STK31: variants seen among roughly 807,000 people sequenced by gnomAD.
STK31 encodes serine/threonine-protein kinase 31.
In STK31, 89 loss-of-function variants were observed where a neutral mutation model predicts 129.7. The observed-to-expected ratio is 0.69, with a 90% confidence interval of 0.58 to 0.82. The LOEUF is 0.82. Among genes scored for constraint, STK31 ranks in the 40% least tolerant of loss-of-function variants. STK31 has a pLI of 0.00. For synonymous variants in STK31, 448 were observed against 395.3 expected, an observed-to-expected ratio of 1.13 and a Z score of -1.58; for missense variants, 1,187 against 1,176.4, an observed-to-expected ratio of 1.01 and a Z score of -0.13.
chr7:23,787,272 A>G (rs1791342557), intron 20 of STK31, among the ~76,000 whole-genome samples: 1 of 152,166 alleles, frequency 6.6e-6, no homozygotes, highest in South Asian at 2.1e-4. Flanking sequence ...GGCAGCTTTA[A>G]TTTTTGTCAT....
chr7:23,772,301 C>T (rs1279838715), intron 15 of STK31, 23 bp downstream of exon 15: 14 of 1,594,470 alleles, frequency 8.8e-6, no homozygotes, highest in Non-Finnish European at 1.1e-5. Flanking sequence ...TTGTTTCTTA[C>T]TGATCTTTAT....
At chr7:23,759,595 T>A (rs943878262) in intron 10 of STK31, among the ~76,000 whole-genome samples, 1 of 152,232 alleles carries the variant, frequency 6.6e-6, no homozygotes, top group Admixed American at 6.5e-5. Flanking sequence ...AAAGGTGTAA[T>A]AGACAACTGG....
In STK31 at chr7:23,735,768, C is replaced by G; in HGVS notation, c.714C>G (p.Ser238Arg). The G allele has an allele frequency of 6.2e-7, 1 of 1,614,144 alleles. No individual in the cohort carries two copies. The highest frequency in any genetic ancestry group is 2.2e-5 in the East Asian group (1 of 44,872). The change falls in exon 7 of 24, where the codon AGC (serine) becomes AGG (arginine). Residue 238 changes from serine to arginine, a missense_variant. Coordinates refer to ENST00000355870, the MANE Select transcript of STK31 (RefSeq NM_031414.5). Reference protein sequence around the residue: ...PGQLVLRNLKSPIPLWGHRSN... With the variant: ...PGQLVLRNLKRPIPLWGHRSN... ...AACTTGTTCTCAGGAACCTCAAAAG[C>G]CCCATTCCTTTGTGGGGGCATAGAT...
chr7:23,714,005 T>A (rs1786144096), intron 3 of STK31, among the ~76,000 whole-genome samples: 1 of 152,166 alleles, frequency 6.6e-6, no homozygotes, highest in African/African-American at 2.4e-5. Context: ...CACAAATATG[T>A]GAGTAATGCA....
At chr7:23,758,843 T>G (rs1789274070) in intron 10 of STK31, among the ~76,000 whole-genome samples, 1 of 152,164 alleles carries the variant, frequency 6.6e-6, no homozygotes, top group African/African-American at 2.4e-5. Context: ...AGACACAGAC[T>G]GGCAAATTAG....
intron 8 of STK31, among the ~76,000 whole-genome samples, chr7:23,750,146 G>A (rs1348756256): frequency 1.4e-5 from 2 of 145,202 alleles, no homozygotes; most frequent in Non-Finnish European, 3.0e-5. Context: ...GTGAGAACCT[G>A]ATCTAGCTCC....
Position 23,757,291 on chromosome 7 carries a change from A to G in STK31, c.1293+2817A>G, listed in dbSNP as rs565929825. Among the ~76,000 whole-genome samples, 30 of 145,888 alleles carry G rather than the reference A, an allele frequency of 2.1e-4. 1 individual carries two copies. In the East Asian group the frequency reaches 5.9e-3, roughly 29 times the overall value. On this transcript the variant is annotated intron_variant, in intron 10 of 23. Transcript: ENST00000355870. ...CTTGAGAAAAGAAAGAGACACAGAG[A>G]CAAAGTATAGAGAAAGAAAAGTGGG...
intron 10 of STK31, among the ~76,000 whole-genome samples, chr7:23,758,057 G>T (rs1015285888): frequency 6.6e-6 from 1 of 152,190 alleles, no homozygotes; most frequent in Non-Finnish European, 1.5e-5. Context: ...GGGTAGGGTT[G>T]CAGATTAACA....
chr7:23,815,691 G>A (rs1218113666), intron 23 of STK31, among the ~76,000 whole-genome samples: 1 of 152,100 alleles, frequency 6.6e-6, no homozygotes, highest in African/African-American at 2.4e-5. Flanking sequence ...TCTATAAGTT[G>A]AGTAATTAGC....
At chr7:23,739,636 G>C (rs1787937223) in intron 8 of STK31, among the ~76,000 whole-genome samples, 1 of 152,150 alleles carries the variant, frequency 6.6e-6, no homozygotes, top group Admixed American at 6.5e-5. Context: ...AATCCATCTT[G>C]AGTTAATTTT....
intron 16 of STK31, among the ~76,000 whole-genome samples, chr7:23,782,471 C>CAAAAA (rs66962254): frequency 3.5e-3 from 294 of 83,554 alleles, no homozygotes; most frequent in Middle Eastern, 7.4e-3. Flanking sequence ...GACCCTGTCT[C>CAAAAA]AAAAAAAAAA....
chr7:23,831,912 C>G (rs1794573493), intron 23 of STK31, among the ~76,000 whole-genome samples: 1 of 152,168 alleles, frequency 6.6e-6, no homozygotes, highest in South Asian at 2.1e-4. Context: ...GCTGGGATTA[C>G]AGGCATAAGC....
intron 5 of STK31, chr7:23,727,552 AG>A: frequency 2.0e-5 from 5 of 250,746 alleles, no homozygotes; most frequent in East Asian, 1.0e-4. Context: ...TTTTTACCTC[AG>A]TTCTTTTTTT....
At chr7:23,727,569 T>C in intron 5 of STK31, 8 of 349,006 alleles carry the variant, frequency 2.3e-5, no homozygotes, top group African/African-American at 1.4e-4. Context: ...TTTTTTTTTT[T>C]TTTTTTTTTT....
chr7:23,787,419 G>A lies in STK31; in HGVS notation c.2487+495G>A, dbSNP rs370285613. Among the ~76,000 whole-genome samples, 4 of 152,208 alleles carry A rather than the reference G, an allele frequency of 2.6e-5. No individual in the cohort carries two copies. The East Asian group carries it at 5.8e-4, about 22-fold the overall frequency. On this transcript the variant is annotated intron_variant, in intron 20 of 23. Transcript: ENST00000355870. Reference sequence around the variant, plus strand: ...TCTTCTTTGAGATGATAGAACAGGTGTCCTCAGACCCCAGGTCGCAGACTG... The same window carrying A: ...TCTTCTTTGAGATGATAGAACAGGTATCCTCAGACCCCAGGTCGCAGACTG...
chr7:23,764,071 A>G (rs1391520426), intron 11 of STK31, among the ~76,000 whole-genome samples: 1 of 152,190 alleles, frequency 6.6e-6, no homozygotes, highest in East Asian at 1.9e-4. Context: ...TTGATGATGC[A>G]CCACATGGCT....
In STK31 at chr7:23,823,668, T is replaced by C. The variant is rs1793928824; in HGVS notation, c.2829+8456T>C. On this transcript the variant is annotated intron_variant, in intron 23 of 23. Coordinates refer to ENST00000355870, the MANE Select transcript of STK31 (RefSeq NM_031414.5). ...TTTGGTGTTTTAGACATGAAGTCCTTGTCCATGCCTATGTCCTGAATGGTA... is the reference window on the plus strand; with the variant it reads ...TTTGGTGTTTTAGACATGAAGTCCTCGTCCATGCCTATGTCCTGAATGGTA... 6.6e-5 allele frequency among the ~76,000 whole-genome samples: 10 copies of C among 152,384 alleles called. No individual in the cohort carries two copies. In the South Asian group the frequency reaches 2.1e-3, roughly 32 times the overall value.
intron 10 of STK31, among the ~76,000 whole-genome samples, chr7:23,761,423 CTTTT>C (rs11326557): frequency 7.3e-6 from 1 of 136,866 alleles, no homozygotes; most frequent in Non-Finnish European, 1.6e-5. Context: ...TGGCCATATG[CTTTT>C]TTTTTTTTTT....
rs187414371 is a variant in STK31, at chr7:23,719,798, T to C, written c.249+2219T>C. 5.3e-5 allele frequency among the ~76,000 whole-genome samples: 8 copies of C among 152,242 alleles called. No homozygotes were observed. The East Asian group carries it at 9.6e-4, about 18-fold the overall frequency. ...ACTTGTTTTTAGGTGTGTGGAATTA[T>C]TGGAGCTGAGATTTTTGAAACAATA... On this transcript the variant is annotated intron_variant, in intron 4 of 23. Transcript: ENST00000355870.
Sources: allele counts gnomAD v4.1 joint callset (sites outside exome capture counted in the v4.1 genomes callset), GRCh38; gene constraint gnomAD v4.1.1; transcripts MANE v1.5; gene names NCBI Gene and HGNC (gene_info 2026-07-23, HGNC 2026-07-21).